Variants in ZNF451 observed in about 807,000 individuals in gnomAD.
ZNF451 encodes E3 SUMO-protein ligase ZNF451.
A neutral mutation model predicts 107.1 loss-of-function variants in ZNF451; 80 were observed. The ratio of observed to expected loss-of-function variants is 0.75; its 90% CI spans 0.62 to 0.90. ZNF451 has a LOEUF of 0.90. Among genes scored for constraint, ZNF451 ranks in the 40% least tolerant of loss-of-function variants. ZNF451 has a pLI of 0.00. For missense variants in ZNF451, 1,107 were observed against 1,236.2 expected, an observed-to-expected ratio of 0.90 and a Z score of 1.57; for synonymous variants, 362 against 406.5, an observed-to-expected ratio of 0.89 and a Z score of 1.32.
chr6:57,120,964 A>G (rs935247005), intron 3 of ZNF451, among the ~76,000 whole-genome samples: 8 of 152,150 alleles, frequency 5.3e-5, no homozygotes, highest in African/African-American at 1.9e-4. Flanking sequence ...GTCATGCACA[A>G]GGTCATTTAG....
chr6:57,114,322 T>C (rs1355151328), intron 3 of ZNF451, among the ~76,000 whole-genome samples: 1 of 152,224 alleles, frequency 6.6e-6, no homozygotes, highest in Non-Finnish European at 1.5e-5. Flanking sequence ...AAGTGTACTT[T>C]CATCAGTATT....
At position 57,168,659 on chromosome 6, in the gene ZNF451, GA is replaced by G; in HGVS notation, c.*193del. 1 of 556,916 alleles carries G rather than the reference GA, an allele frequency of 1.8e-6. No homozygotes were observed. The highest frequency in any genetic ancestry group is 3.1e-6 in the Non-Finnish European group (1 of 320,054). 34.5% of individuals were successfully genotyped at this position (556,916 alleles called of 1,614,324 possible). A position where few individuals can be genotyped will look rare whatever the true frequency, so the allele number is the denominator to read the frequency against. ...TGCTAATGTGCAAACATGTACAGAA[GA>G]AATAGAATACATGTTCATGCAAATA... On this transcript the variant is annotated 3_prime_UTR_variant, in exon 15 of 15. Coordinates refer to ENST00000370706, the MANE Select transcript of ZNF451 (RefSeq NM_001031623.3).
chr6:57,166,922 C>T (rs372621435), intron 14 of ZNF451, among the ~76,000 whole-genome samples: 13 of 152,256 alleles, frequency 8.5e-5, no homozygotes, highest in South Asian at 8.3e-4. Flanking sequence ...AAAGTTGATA[C>T]GCAGCACATG....
chr6:57,126,068 T>C (rs532753877), intron 4 of ZNF451, among the ~76,000 whole-genome samples: 1 of 152,302 alleles, frequency 6.6e-6, no homozygotes, highest in South Asian at 2.1e-4. Context: ...AATGGCTACA[T>C]AGATAATAAA....
At chr6:57,095,369 CT>C (rs1829244153) in intron 2 of ZNF451, among the ~76,000 whole-genome samples, 1 of 124,870 alleles carries the variant, frequency 8.0e-6, no homozygotes, top group Non-Finnish European at 1.6e-5. Context: ...GGGTCTCAGT[CT>C]TGCTTAGGCT....
At chr6:57,158,626 T>G in intron 13 of ZNF451, 2 of 985,436 alleles carry the variant, frequency 2.0e-6, no homozygotes, top group Non-Finnish European at 2.4e-6. Flanking sequence ...CTCCCATTGC[T>G]TCCTCTACCT....
At chr6:57,143,132 G>A (rs1021269204) in intron 9 of ZNF451, among the ~76,000 whole-genome samples, 13 of 152,052 alleles carry the variant, frequency 8.5e-5, no homozygotes, top group African/African-American at 3.1e-4. Context: ...AAATATTTAT[G>A]AGTATATTTT....
In ZNF451 at chr6:57,100,847, A is replaced by G. The variant is rs978687992; in HGVS notation, c.186+1706A>G. ...ACCCTTAAATCATCACAGAATTTTC[A>G]GACTCTGCCTTCATCTCCACTTCTG... On this transcript the variant is annotated intron_variant, in intron 3 of 14. Coordinates refer to ENST00000370706, the MANE Select transcript of ZNF451 (RefSeq NM_001031623.3). 2.6e-6 allele frequency: 4 copies of G among 1,547,956 alleles called. No homozygotes were observed. The African/African-American group carries it at 5.5e-5, about 21-fold the overall frequency.
chr6:57,129,691 C>T (rs1831090896), intron 5 of ZNF451, among the ~76,000 whole-genome samples: 3 of 152,082 alleles, frequency 2.0e-5, no homozygotes, highest in Admixed American at 6.6e-5. Context: ...GCAGTTCATT[C>T]CATTTGATAC....
intron 7 of ZNF451, among the ~76,000 whole-genome samples, chr6:57,135,642 C>A (rs968411935): frequency 2.0e-5 from 3 of 152,030 alleles, no homozygotes; most frequent in Admixed American, 2.0e-4. Context: ...CTTAAATATT[C>A]ATCGAATCAA....
At chr6:57,159,354 G>A (rs1302923833) in intron 13 of ZNF451, 1 of 985,192 alleles carries the variant, frequency 1.0e-6, no homozygotes, top group Non-Finnish European at 1.2e-6. Context: ...TGCTGCTTTT[G>A]ACTGATCTTG....
At chr6:57,091,639 C>T (rs1656785742) in intron 2 of ZNF451, among the ~76,000 whole-genome samples, 1 of 152,168 alleles carries the variant, frequency 6.6e-6, no homozygotes, top group South Asian at 2.1e-4. Flanking sequence ...GGGTGATTTT[C>T]TTCCATAATT....
chr6:57,099,713 C>A (rs891646152), intron 3 of ZNF451: 1 of 509,184 alleles, frequency 2.0e-6, no homozygotes, highest in Non-Finnish European at 3.5e-6. Context: ...ACTTCCCTTG[C>A]TCTGAGAATT....
At chr6:57,140,621 G>A (rs922029553) in intron 7 of ZNF451, among the ~76,000 whole-genome samples, 1 of 151,596 alleles carries the variant, frequency 6.6e-6, no homozygotes. Flanking sequence ...TATATTCAAG[G>A]ATGTTTACAA....
At chr6:57,111,033 C>T (rs1323980848) in intron 3 of ZNF451, among the ~76,000 whole-genome samples, 1 of 151,976 alleles carries the variant, frequency 6.6e-6, no homozygotes, top group Non-Finnish European at 1.5e-5. Flanking sequence ...GATTCTCCTG[C>T]CTCAGCCTCC....
intron 13 of ZNF451, chr6:57,154,381 TCCAAGTTGA>T (rs1200952380): frequency 2.3e-6 from 1 of 442,416 alleles, no homozygotes; most frequent in Non-Finnish European, 4.0e-6. Context: ...TTTCTGAAAT[TCCAAGTTGA>T]CCTTCAGTTT....
At chr6:57,121,422 G>C (rs979111655) in intron 3 of ZNF451, among the ~76,000 whole-genome samples, 2 of 152,102 alleles carry the variant, frequency 1.3e-5, no homozygotes, top group Non-Finnish European at 2.9e-5. Context: ...ATAATGTTAG[G>C]ATTTTGATTG....
At chr6:57,167,053 A>AT (rs982546686) in intron 14 of ZNF451, among the ~76,000 whole-genome samples, 30 of 152,180 alleles carry the variant, frequency 2.0e-4, no homozygotes, top group African/African-American at 6.5e-4. Flanking sequence ...TTGATTTATG[A>AT]TTTTTTTACT....
Position 57,124,436 on chromosome 6 carries a change from C to T in ZNF451, c.187-298C>T, listed in dbSNP as rs939733146. The T allele has an allele frequency of 3.4e-5, 24 of 716,054 alleles. 1 individual carries two copies. Among genetic ancestry groups the T allele is most frequent in the Admixed American group, 4.0e-5 (2 of 49,980 alleles). The allele number at this position is 716,054 out of a possible 1,614,324, so 44.4% of individuals were successfully genotyped here. A position where few individuals can be genotyped will look rare whatever the true frequency, so the allele number is the denominator to read the frequency against. ...CTCTCTCTCCAATTTTAGGGGTCGG[C>T]GCTTTGCCTGATGACCCTACCTCTC... On this transcript the variant is annotated intron_variant, in intron 3 of 14. Coordinates refer to ENST00000370706, the MANE Select transcript of ZNF451 (RefSeq NM_001031623.3).
Sources: gnomAD v4.1 joint callset for allele counts (sites outside exome capture counted in the v4.1 genomes callset) on GRCh38, gnomAD v4.1.1 for gene constraint, MANE v1.5 for transcripts, NCBI Gene and HGNC (gene_info 2026-07-23, HGNC 2026-07-21) for gene names.